Variants in SLC2A7 observed in about 807,000 individuals in gnomAD.
The protein encoded by SLC2A7 is solute carrier family 2 member 7.
Under a neutral mutation model 50.5 loss-of-function variants are expected in SLC2A7, and 50 were observed. The observed-to-expected ratio is 0.99, with a 90% CI of 0.79 to 1.25. SLC2A7 has a LOEUF of 1.25. Ranked by LOEUF, SLC2A7 falls within the 50% of genes most tolerant of loss-of-function variation. The pLI is 0.00. For synonymous variants in SLC2A7, 308 were observed against 300.4 expected, an observed-to-expected ratio of 1.03 and a Z score of -0.26; for missense variants, 683 against 679.1, an observed-to-expected ratio of 1.01 and a Z score of -0.06.
intron 5 of SLC2A7, among the ~76,000 whole-genome samples, chr1:9,017,389 G>C (rs1268773919): frequency 9.3e-6 from 1 of 107,616 alleles, no homozygotes; most frequent in Non-Finnish European, 1.9e-5. Flanking sequence ...GACCAATGCT[G>C]TTGGCTGTAG....
chr1:9,001,282 A>G (rs1397818684), downstream of SLC2A7, among the ~76,000 whole-genome samples: 1 of 152,098 alleles, frequency 6.6e-6, no homozygotes, highest in Non-Finnish European at 1.5e-5. Flanking sequence ...AGAAAGGCAC[A>G]GAGGATTGGA....
chr1:8,999,591 T>C (rs370089192), downstream of SLC2A7, among the ~76,000 whole-genome samples: 2 of 152,234 alleles, frequency 1.3e-5, no homozygotes, highest in African/African-American at 4.8e-5. Flanking sequence ...ACTCTGGTGA[T>C]GGCTTCTTCA....
chr1:9,007,199 G>A lies in SLC2A7; in HGVS notation c.1192+111C>T, dbSNP rs549740732. The A allele has an allele frequency of 1.0e-3, 1,269 of 1,236,562 alleles. 9 individuals are homozygous for A. The highest frequency in any genetic ancestry group is 5.7e-3 in the Middle Eastern group (30 of 5,220). The allele number at this position is 1,236,562 out of a possible 1,614,324, so 76.6% of individuals were successfully genotyped here. On this transcript the variant is annotated intron_variant, in intron 10 of 11. Transcript: ENST00000400906. ...GAACGTGTGGGATCTGCGTGAGCAC[G>A]GGGACCAAGGACGTCCATTCACTCA...
chr1:9,023,843 T>TTTTTTTTC (rs1640954717), intron 2 of SLC2A7, among the ~76,000 whole-genome samples: 1 of 27,390 alleles, frequency 3.7e-5, no homozygotes, highest in Non-Finnish European at 6.9e-5. Context: ...TTCTTCTTTT[T>TTTTTTTTC]TTTTTTTTTT....
chr1:9,006,788 A>G (rs1000859040), intron 10 of SLC2A7, among the ~76,000 whole-genome samples: 1 of 152,202 alleles, frequency 6.6e-6, no homozygotes, highest in African/African-American at 2.4e-5. Flanking sequence ...CTCAGGACAC[A>G]CTAGGGAAGG....
At chr1:9,000,118 T>C (rs984608453), downstream of SLC2A7, among the ~76,000 whole-genome samples, 1 of 152,196 alleles carries the variant, frequency 6.6e-6, no homozygotes, top group Non-Finnish European at 1.5e-5. Flanking sequence ...AAGAAAGATA[T>C]TGAGGTGGGT....
chr1:9,014,751 C>A lies in SLC2A7; in HGVS notation c.833G>T (p.Arg278Leu), dbSNP rs772823908. 3.2e-5 allele frequency: 51 copies of A among 1,584,716 alleles called. No homozygotes were observed. The highest frequency in any genetic ancestry group is 3.9e-5 in the Non-Finnish European group (45 of 1,166,062). Residue 278 changes from arginine (R) to leucine (L), a missense_variant, in exon 7 of 12, where the codon CGG becomes CTG. Physicochemically the swap from Arg to Leu is moderately radical, Grantham distance 102. Transcript: ENST00000400906. ...HLSVLHLCAL[R>L]SLRWQLLSII... ...GGAGAGGAGCTGCCAGCGCAGGGAC[C>A]GCAGGGCACAGAGGTGCAGCACAGA...
At chr1:8,992,782 C>G in the SLC2A7 span, among the ~76,000 whole-genome samples, 1 of 152,126 alleles carries the variant, frequency 6.6e-6, no homozygotes, top group Non-Finnish European at 1.5e-5. Flanking sequence ...CTCGGCTTTG[C>G]ACATCCTGTC....
rs762281773 is a variant in SLC2A7 at position 9,008,075 on chromosome 1, G to A, written c.1117-690C>T. 2.6e-5 allele frequency among the ~76,000 whole-genome samples: 4 copies of A among 152,038 alleles called. No individual in the cohort carries two copies. The highest frequency in any genetic ancestry group is 4.8e-5 in the African/African-American group (2 of 41,394). ...TTCTCTGGAGACTCCTAGGACCCCC[G>A]GACCCGTGGAGCTGGCAGACCACCA... On this transcript the variant is annotated intron_variant, in intron 9 of 11. Transcript: ENST00000400906. This position sits in a 1 kb window ranked among gnomAD's most constrained non-coding sequence, Gnocchi z 5.9.
Position 9,003,484 on chromosome 1 carries a change from G to T in SLC2A7, c.1355C>A (p.Ala452Asp), listed in dbSNP as rs772342075. ...AATCGCAGTGAGGAGGCAGATTCCG[G>T]CAAAGATGATGAAACTGTAGGCACC... ...AIGAYSFIIFAGICLLTAIYI... is the reference protein window; with the variant it reads ...AIGAYSFIIFDGICLLTAIYI... The change falls in exon 12 of 12, where the codon GCC (alanine) becomes GAC (aspartate). Residue 452 changes from alanine (A) to aspartate (D), a missense_variant. Transcript: ENST00000400906. The T allele has an allele frequency of 1.2e-6, 2 of 1,614,074 alleles. No homozygotes were observed. Among genetic ancestry groups the T allele is most frequent in the Non-Finnish European group, 8.5e-7 (1 of 1,180,044 alleles).
chr1:9,018,353 G>A lies in SLC2A7; in HGVS notation c.459C>T (p.Pro153=). ...VCAGISYSAL[P]MYLGELAPKN... is the part of the protein sequence containing the mutation. ...TGGGGGCCAGTTCTCCCAGGTACAT[G>A]GGAAGGGCGCTGTAGGAGATGCCTG... The change falls in exon 5 of 12, where the codon CCC becomes CCT. Residue 153 remains proline, a synonymous_variant. Transcript: ENST00000400906. 6.2e-7 allele frequency: 1 copy of A among 1,613,558 alleles called. No individual in the cohort carries two copies. Among genetic ancestry groups the A allele is most frequent in the Non-Finnish European group, 8.5e-7 (1 of 1,180,034 alleles).
At chr1:9,023,902 C>A (rs1640956708) in intron 2 of SLC2A7, among the ~76,000 whole-genome samples, 1 of 115,576 alleles carries the variant, frequency 8.7e-6, no homozygotes, top group Non-Finnish European at 1.6e-5. Flanking sequence ...GTCACCCAGG[C>A]TGGAGTGCAG....
chr1:9,019,003 G>A (rs1213312403), intron 4 of SLC2A7, among the ~76,000 whole-genome samples: 2 of 152,172 alleles, frequency 1.3e-5, no homozygotes, highest in African/African-American at 4.8e-5. Context: ...GCAACACAGT[G>A]AGGCTCTGTC....
intron 9 of SLC2A7, among the ~76,000 whole-genome samples, chr1:9,007,790 GTGCAGTGGCACAGTCTTGGCTCAC>G (rs1256975953): frequency 2.7e-5 from 4 of 149,740 alleles, no homozygotes; most frequent in Non-Finnish European, 3.0e-5. Context: ...CCAGGCTGAA[GTGCAGTGGCACAGTCTTGGCTCAC>G]TGCAGCCTCC....
rs934504774 is a variant in SLC2A7 at position 9,018,384 on chromosome 1, G to A, written c.437-9C>T. 1.9e-6 allele frequency: 3 copies of A among 1,613,476 alleles called. No homozygotes were observed. The highest frequency in any genetic ancestry group is 2.5e-6 in the Non-Finnish European group (3 of 1,179,930). On this transcript the variant is annotated splice_polypyrimidine_tract_variant and intron_variant, in intron 4 of 11. Transcript: ENST00000400906. ...GGCGCTGTAGGAGATGCCTGGTTTG[G>A]GCACAGCAGAAATCAGGGCAGGCAA...
Position 9,026,342 on chromosome 1 carries a change from C to A in SLC2A7, c.4G>T (p.Glu2Ter). The A allele has an allele frequency of 6.2e-7, 1 of 1,606,882 alleles. No homozygotes were observed. Among genetic ancestry groups the A allele is most frequent in the South Asian group, 1.1e-5 (1 of 89,326 alleles). The change falls in exon 1 of 12, where the codon GAG (glutamate) becomes TAG (stop). Residue 2 changes from glutamate (E) to a stop codon, truncating the protein, a stop_gained. Coordinates refer to ENST00000400906, the MANE Select transcript of SLC2A7 (RefSeq NM_207420.3). LOFTEE classifies it high-confidence loss of function. The part of the protein sequence containing the change: M[E>*]NKEAGTPPPI... ...GGAGGGGTTCCCGCCTCTTTGTTCTCCATCCTTGTTCAGGTGGGAGAACAG... is the reference window on the plus strand; with the variant it reads ...GGAGGGGTTCCCGCCTCTTTGTTCTACATCCTTGTTCAGGTGGGAGAACAG...
Position 9,004,736 on chromosome 1 carries a change from A to G in SLC2A7, c.1320+16T>C, listed in dbSNP as rs1557645517. Reference sequence around the variant, plus strand: ...GAGGCCCGGTGGAGCGGGTTGGGGAAGGGGCCCTCACTCACCTGGATGGAT... The same window carrying G: ...GAGGCCCGGTGGAGCGGGTTGGGGAGGGGGCCCTCACTCACCTGGATGGAT... On this transcript the variant is annotated intron_variant, in intron 11 of 11. Transcript: ENST00000400906. 1.2e-6 allele frequency: 2 copies of G among 1,613,362 alleles called. No homozygotes were observed. The highest frequency in any genetic ancestry group is 2.2e-5 in the East Asian group (1 of 44,850).
chr1:9,009,140 T>C (rs1227346983), intron 9 of SLC2A7, among the ~76,000 whole-genome samples: 2 of 152,212 alleles, frequency 1.3e-5, no homozygotes, highest in Non-Finnish European at 2.9e-5. Context: ...GCAAAGATCT[T>C]GGCTCTACAT....
chr1:9,014,708 G>A lies in SLC2A7; in HGVS notation c.876C>T (p.Ala292=), dbSNP rs754821597. ...CATTGATGCCCGACAGCTGCTGGCC[G>A]GCCATGAGCACGATGATGGAGAGGA... ...WQLLSIIVLM[A]GQQLSGINAI... Residue 292 remains alanine, a synonymous_variant, in exon 7 of 12, where the codon GCC becomes GCT. Coordinates refer to ENST00000400906, the MANE Select transcript of SLC2A7 (RefSeq NM_207420.3). The A allele has an allele frequency of 2.6e-5, 40 of 1,562,988 alleles. No individual in the cohort carries two copies. The highest frequency in any genetic ancestry group is 3.2e-5 in the Non-Finnish European group (37 of 1,153,680).
Sources: gnomAD v4.1 joint callset for allele counts (sites outside exome capture counted in the v4.1 genomes callset) on GRCh38, gnomAD v4.1.1 for gene constraint, Gnocchi (gnomAD v3.1) non-coding constraint, MANE v1.5 for transcripts, NCBI Gene and HGNC (gene_info 2026-07-23, HGNC 2026-07-21) for gene names.